The following BTRC variants were observed in gnomAD, a reference collection of about 807,000 sequenced individuals.
BTRC encodes the protein beta-transducin repeat containing E3 ubiquitin protein ligase.
A neutral mutation model predicts 85.5 loss-of-function variants in BTRC; 42 were observed. The observed-to-expected ratio is 0.49, with a 90% confidence interval of 0.38 to 0.64. The LOEUF is 0.64. Among genes scored for constraint, BTRC ranks in the 30% least tolerant of loss-of-function variants. BTRC has a pLI of 0.00. For synonymous variants in BTRC, 255 were observed against 263.3 expected (o/e 0.97, Z 0.30); for missense variants, 594 against 743.5 (o/e 0.80, Z 2.34).
intron 1 of BTRC, among the ~76,000 whole-genome samples, chr10:101,385,324 G>A (rs974976020): frequency 2.0e-4 from 28 of 140,638 alleles, no homozygotes; most frequent in African/African-American, 6.3e-4. Flanking sequence ...CCGAAATCGC[G>A]CCACTGCACT....
At chr10:101,440,677 A>C (rs1944656018) in intron 2 of BTRC, among the ~76,000 whole-genome samples, 1 of 152,058 alleles carries the variant, frequency 6.6e-6, no homozygotes, top group Admixed American at 6.6e-5. Flanking sequence ...AGCCGAAATC[A>C]TATCACTACA....
intron 12 of BTRC, among the ~76,000 whole-genome samples, chr10:101,536,946 C>T (rs979768509): frequency 2.0e-5 from 3 of 152,112 alleles, no homozygotes; most frequent in African/African-American, 7.2e-5. Flanking sequence ...AAGAAAAACC[C>T]AGTGTTAACA....
chr10:101,525,948 CT>C, intron 5 of BTRC, 64 bp from the exon 6 acceptor site: 1 of 1,496,494 alleles, frequency 6.7e-7, no homozygotes, highest in African/African-American at 1.4e-5. Flanking sequence ...TTTAAAGGAC[CT>C]TTTGTAAAAA....
At chr10:101,390,756 T>G (rs2133981141) in intron 1 of BTRC, among the ~76,000 whole-genome samples, 1 of 147,554 alleles carries the variant, frequency 6.8e-6, no homozygotes, top group East Asian at 2.2e-4. Context: ...TTAATTTTGT[T>G]TGTCTTAAAA....
chr10:101,543,276 T>G (rs1335833142), intron 13 of BTRC, among the ~76,000 whole-genome samples: 5 of 152,236 alleles, frequency 3.3e-5, no homozygotes, highest in African/African-American at 1.2e-4. Context: ...ATGTCCTTCT[T>G]TGATGTTTAT....
intron 1 of BTRC, among the ~76,000 whole-genome samples, chr10:101,378,685 C>T (rs1010400457): frequency 1.1e-4 from 16 of 151,880 alleles, no homozygotes; most frequent in African/African-American, 3.1e-4. Context: ...CCACCACGCC[C>T]GGCTAATTTT....
At chr10:101,494,460 G>C (rs1030131471) in intron 4 of BTRC, among the ~76,000 whole-genome samples, 5 of 152,160 alleles carry the variant, frequency 3.3e-5, no homozygotes, top group African/African-American at 1.2e-4. Context: ...TAAGTTGATA[G>C]GAAATGTTTG....
intron 1 of BTRC, among the ~76,000 whole-genome samples, chr10:101,389,521 G>C (rs891142191): frequency 1.3e-5 from 2 of 151,206 alleles, no homozygotes; most frequent in African/African-American, 4.9e-5. Flanking sequence ...GGCAGAGCTG[G>C]TCCTTTCCCA....
chr10:101,457,376 A>T (rs1478992988), intron 2 of BTRC, among the ~76,000 whole-genome samples: 9 of 152,216 alleles, frequency 5.9e-5, no homozygotes, highest in African/African-American at 2.2e-4. Context: ...GACAATGTCA[A>T]TGACTCATGG....
At chr10:101,396,171 A>G (rs1943357215) in intron 1 of BTRC, among the ~76,000 whole-genome samples, 1 of 151,446 alleles carries the variant, frequency 6.6e-6, no homozygotes, top group African/African-American at 2.4e-5. Flanking sequence ...CTTTAAAAAA[A>G]CACACTGTCT....
chr10:101,550,179 T>C (rs1160774415), intron 13 of BTRC, among the ~76,000 whole-genome samples: 3 of 152,236 alleles, frequency 2.0e-5, no homozygotes, highest in African/African-American at 7.2e-5. Context: ...CTATTTAGCA[T>C]GTCTTGGCCA....
chr10:101,360,697 G>A (rs1045053342), intron 1 of BTRC, among the ~76,000 whole-genome samples: 18 of 152,070 alleles, frequency 1.2e-4, no homozygotes, highest in African/African-American at 4.3e-4. Context: ...TGCTTGCTCT[G>A]TTGCCAGGTT....
intron 1 of BTRC, among the ~76,000 whole-genome samples, chr10:101,407,899 T>G (rs1404013918): frequency 6.6e-6 from 1 of 151,860 alleles, no homozygotes; most frequent in East Asian, 1.9e-4. Flanking sequence ...ATTTTTTGTA[T>G]TTTTAGTAGA....
intron 4 of BTRC, among the ~76,000 whole-genome samples, chr10:101,494,256 A>G (rs1946205654): frequency 6.6e-6 from 1 of 152,212 alleles, no homozygotes; most frequent in African/African-American, 2.4e-5. Flanking sequence ...GGAAAGATCC[A>G]GGACTGGTGT....
chr10:101,449,091 C>G (rs1944898077), intron 2 of BTRC, among the ~76,000 whole-genome samples: 1 of 151,922 alleles, frequency 6.6e-6, no homozygotes, highest in Non-Finnish European at 1.5e-5. Context: ...AAACACAGAT[C>G]TTAATCTAGC....
chr10:101,481,821 T>C (rs547929310), intron 4 of BTRC, among the ~76,000 whole-genome samples: 1 of 152,344 alleles, frequency 6.6e-6, no homozygotes, highest in East Asian at 1.9e-4. Context: ...AATTTAATGA[T>C]GATGTCTATC....
intron 1 of BTRC, among the ~76,000 whole-genome samples, chr10:101,373,082 G>A (rs1194751144): frequency 2.0e-5 from 3 of 152,312 alleles, no homozygotes; most frequent in East Asian, 3.9e-4. Context: ...CTAGGAAGCA[G>A]ATGTTTTTAG....
Position 101,381,980 on chromosome 10 carries a change from T to C in BTRC, c.48+27752T>C, listed in dbSNP as rs1044014057. ...AGAATGTCTTTTTTTTTTTTTTTTTTTTTTTTTTTTTTTTTTTTTTGAGAT... is the reference window on the plus strand; with the variant it reads ...AGAATGTCTTTTTTTTTTTTTTTTTCTTTTTTTTTTTTTTTTTTTTGAGAT... On this transcript the variant is annotated intron_variant, in intron 1 of 14. Transcript: ENST00000370187. 2.1e-4 allele frequency among the ~76,000 whole-genome samples: 24 copies of C among 114,258 alleles called. No individual in the cohort carries two copies. In the East Asian group the frequency reaches 2.4e-3, roughly 12 times the overall value. The allele number at this position is 114,258 out of a possible 152,430, so 75.0% of individuals were successfully genotyped here.
intron 14 of BTRC, among the ~76,000 whole-genome samples, chr10:101,551,436 T>C (rs1381181485): frequency 6.6e-6 from 1 of 152,240 alleles, no homozygotes; most frequent in Non-Finnish European, 1.5e-5. Flanking sequence ...ACCTGTCTTT[T>C]GACCTCTGAC....
Sources: allele counts gnomAD v4.1 joint callset (sites outside exome capture counted in the v4.1 genomes callset), GRCh38; gene constraint gnomAD v4.1.1; transcripts MANE v1.5; gene names NCBI Gene and HGNC (gene_info 2026-07-23, HGNC 2026-07-21).